Variants in MARK4 observed in about 807,000 individuals in gnomAD.
MARK4 encodes the protein MAP/microtubule affinity-regulating kinase 4.
A neutral mutation model predicts 81.5 loss-of-function variants in MARK4; 19 were observed. The observed-to-expected ratio is 0.23, with a 90% confidence interval of 0.16 to 0.34. The LOEUF (loss-of-function observed/expected upper bound fraction) is 0.34, where lower values mean the gene tolerates loss of function less well. Ranked by LOEUF, MARK4 falls within the 10% of genes least tolerant of loss-of-function variation. The pLI is 1.00. For missense variants in MARK4, 772 were observed against 1,058.8 expected, an observed-to-expected ratio of 0.73 and a Z score of 3.76; for synonymous variants, 436 against 439.0, an observed-to-expected ratio of 0.99 and a Z score of 0.08.
chr19:45,288,849 CA>C (rs34269496), intron 13 of MARK4, among the ~76,000 whole-genome samples: 29 of 102,974 alleles, frequency 2.8e-4, no homozygotes, highest in East Asian at 1.4e-3. Flanking sequence ...GACTCTGTCT[CA>C]AAAAAAAAAA....
chr19:45,269,886 C>T (rs1015752446), intron 7 of MARK4, among the ~76,000 whole-genome samples: 1 of 152,152 alleles, frequency 6.6e-6, no homozygotes, highest in African/African-American at 2.4e-5. Flanking sequence ...TGGAGTCTCG[C>T]TGTGTTGCCC....
At chr19:45,298,218 G>T in intron 15 of MARK4, 1 of 1,614,070 alleles carries the variant, frequency 6.2e-7, no homozygotes, top group South Asian at 1.1e-5. Flanking sequence ...AGGGATCCAA[G>T]ATCAGTAAGT....
rs543841012 is a variant in MARK4 at position 45,260,559 on chromosome 19, T to C, written c.252+1370T>C. ...AAAAAATACAAAAATTAGCTGGGTG[T>C]GGTGGTGCGTGCCTGTAAGCCCAGC... On this transcript the variant is annotated intron_variant, in intron 2 of 16. Transcript: ENST00000262891. Among the ~76,000 whole-genome samples the C allele has an allele frequency of 1.3e-4, 20 of 151,446 alleles. No individual in the cohort carries two copies. In the South Asian group the frequency reaches 4.2e-3, roughly 32 times the overall value.
intron 12 of MARK4, among the ~76,000 whole-genome samples, chr19:45,281,636 G>T (rs951331024): frequency 1.1e-4 from 16 of 152,252 alleles, no homozygotes; most frequent in African/African-American, 3.9e-4. Flanking sequence ...TGGGATTACA[G>T]GTGTGAGCCA....
At chr19:45,289,019 T>A (rs1226613099) in intron 13 of MARK4, among the ~76,000 whole-genome samples, 1 of 152,106 alleles carries the variant, frequency 6.6e-6, no homozygotes, top group African/African-American at 2.4e-5. Context: ...GGCAGGTTAC[T>A]ACCAGTCAAG....
At chr19:45,283,506 A>G (rs1443271613) in intron 12 of MARK4, among the ~76,000 whole-genome samples, 1 of 151,748 alleles carries the variant, frequency 6.6e-6, no homozygotes, top group Non-Finnish European at 1.5e-5. Context: ...TGGCTATTCT[A>G]GACATTTCAG....
intron 1 of MARK4, among the ~76,000 whole-genome samples, chr19:45,254,665 G>A (rs895760011): frequency 4.6e-5 from 7 of 152,216 alleles, no homozygotes; most frequent in African/African-American, 1.4e-4. Flanking sequence ...GTGAGGGCAC[G>A]GCAGGCAGTG....
intron 7 of MARK4, among the ~76,000 whole-genome samples, chr19:45,268,992 G>C (rs1970491027): frequency 6.6e-6 from 1 of 152,082 alleles, no homozygotes; most frequent in Non-Finnish European, 1.5e-5. Flanking sequence ...CGAGTTTTGG[G>C]GTCGTATTAG....
At chr19:45,291,236 C>T (rs1970816481) in intron 13 of MARK4, among the ~76,000 whole-genome samples, 1 of 152,200 alleles carries the variant, frequency 6.6e-6, no homozygotes, top group South Asian at 2.1e-4. Context: ...GTAGGAAGGA[C>T]TGGAGGAGCG....
chr19:45,303,074 G>C lies in MARK4; in HGVS notation c.*364G>C, dbSNP rs1234390188. 1.1e-5 allele frequency: 3 copies of C among 272,686 alleles called. No homozygotes were observed. The highest frequency in any genetic ancestry group is 1.0e-4 in the Admixed American group (2 of 19,884). The allele number at this position is 272,686 out of a possible 1,614,324, so 16.9% of individuals were successfully genotyped here. A position where few individuals can be genotyped will look rare whatever the true frequency, so the allele number is the denominator to read the frequency against. ...ATTAGGCCTTGGGCAGGGGCAGGGA[G>C]AGCTGCTGAGCCTAAAGACTGGAGA... On this transcript the variant is annotated 3_prime_UTR_variant, in exon 17 of 17. Coordinates refer to ENST00000262891, the MANE Select transcript of MARK4 (RefSeq NM_001199867.2).
chr19:45,301,225 G>T (rs1208664356), intron 16 of MARK4, among the ~76,000 whole-genome samples: 1 of 151,958 alleles, frequency 6.6e-6, no homozygotes, highest in African/African-American at 2.4e-5. Flanking sequence ...CGAGGCTGCA[G>T]TGAGCTGTGA....
intron 8 of MARK4, among the ~76,000 whole-genome samples, chr19:45,274,738 G>C (rs1599788373): frequency 6.6e-6 from 1 of 152,186 alleles, no homozygotes; most frequent in Non-Finnish European, 1.5e-5. Context: ...TGAGCCTCAA[G>C]CATGAAGCTA....
chr19:45,271,388 G>A lies in MARK4; in HGVS notation c.550-84G>A, dbSNP rs974694368. ...TTGATCCCTGTGGGCCAGCCCTAGA[G>A]CCTGTGCTCCTGTCTGCCTCCCACG... On this transcript the variant is annotated intron_variant, in intron 7 of 16. Coordinates refer to ENST00000262891, the MANE Select transcript of MARK4 (RefSeq NM_001199867.2). This position sits in a 1 kb window ranked among gnomAD's most constrained non-coding sequence, Gnocchi z 4.1. 10 of 1,372,300 alleles carry A rather than the reference G, an allele frequency of 7.3e-6. No individual in the cohort carries two copies. In the South Asian group the frequency reaches 1.3e-4, roughly 18 times the overall value. The allele number at this position is 1,372,300 out of a possible 1,614,324, so 85.0% of individuals were successfully genotyped here. A position where few individuals can be genotyped will look rare whatever the true frequency, so the allele number is the denominator to read the frequency against.
At position 45,278,549 on chromosome 19, in the gene MARK4, T is replaced by C; in HGVS notation, c.940T>C (p.Tyr314His). 6.2e-7 allele frequency: 1 copy of C among 1,613,916 alleles called. No individual in the cohort carries two copies. The highest frequency in any genetic ancestry group is 2.2e-5 in the East Asian group (1 of 44,854). ...GAAAGACAAATGGATCAACATCGGC[T>C]ATGAGGGTGAGGAGTTGAAGCCATA... ...IMKDKWINIG[Y>H]EGEELKPYTE... Residue 314 changes from tyrosine to histidine, a missense_variant, in exon 10 of 17, where the codon TAT becomes CAT. Tyr to His is a moderately conservative substitution (Grantham distance 83, BLOSUM62 2). Coordinates refer to ENST00000262891, the MANE Select transcript of MARK4 (RefSeq NM_001199867.2).
At chr19:45,293,875 T>C (rs1457703134) in intron 13 of MARK4, among the ~76,000 whole-genome samples, 1 of 151,934 alleles carries the variant, frequency 6.6e-6, no homozygotes, top group Non-Finnish European at 1.5e-5. Flanking sequence ...GGGGTGGTGG[T>C]AGATTATGAA....
intron 16 of MARK4, among the ~76,000 whole-genome samples, chr19:45,300,898 C>T (rs1267450630): frequency 6.6e-6 from 1 of 152,036 alleles, no homozygotes; most frequent in Non-Finnish European, 1.5e-5. Flanking sequence ...CTATCATTGG[C>T]AGAGCTGAGT....
intron 4 of MARK4, among the ~76,000 whole-genome samples, chr19:45,263,793 C>T (rs1316829800): frequency 6.6e-6 from 1 of 151,494 alleles, no homozygotes; most frequent in African/African-American, 2.4e-5. Context: ...ATAGTTGCAT[C>T]ACTGCTGTGT....
chr19:45,300,126 A>G (rs1357427961), intron 16 of MARK4, among the ~76,000 whole-genome samples: 1 of 152,210 alleles, frequency 6.6e-6, no homozygotes. Flanking sequence ...AGGGAGGCAG[A>G]TCACCTGAGG....
intron 13 of MARK4, 77 bp from the exon 14 acceptor site, chr19:45,294,272 G>A: frequency 7.4e-7 from 1 of 1,358,358 alleles, no homozygotes. Flanking sequence ...CGATGGGGAG[G>A]GCAGAGAAGG....
Sources: allele counts gnomAD v4.1 joint callset (sites outside exome capture counted in the v4.1 genomes callset), GRCh38; gene constraint gnomAD v4.1.1; non-coding constraint Gnocchi (gnomAD v3.1); transcripts MANE v1.5; gene names NCBI Gene and HGNC (gene_info 2026-07-23, HGNC 2026-07-21).